The following COL27A1 variants were observed in gnomAD, a reference collection of about 807,000 sequenced individuals.
COL27A1 encodes the protein collagen type XXVII alpha 1 chain.
A neutral mutation model predicts 251.3 loss-of-function variants in COL27A1; 106 were observed. That is an observed-to-expected ratio of 0.42 (90% confidence interval 0.36 to 0.50). The LOEUF (loss-of-function observed/expected upper bound fraction) is 0.50, where lower values mean the gene tolerates loss of function less well. Ranked by LOEUF, COL27A1 falls within the 20% of genes least tolerant of loss-of-function variation. The pLI, the probability that COL27A1 is intolerant of heterozygous loss-of-function variation, is 0.00. For missense variants in COL27A1, 2,325 were observed against 2,522.8 expected (o/e 0.92, Z 1.68); for synonymous variants, 1,000 against 986.3 (o/e 1.01, Z -0.26).
intron 18 of COL27A1, 102 bp downstream of exon 18, chr9:114,237,136 C>T (rs1832454990): frequency 8.7e-7 from 1 of 1,154,948 alleles, no homozygotes; most frequent in Non-Finnish European, 1.2e-6. Flanking sequence ...TTTCCTCCTG[C>T]AGCAGAGCTC....
intron 3 of COL27A1, among the ~76,000 whole-genome samples, chr9:114,174,382 A>C (rs1849538897): frequency 6.6e-6 from 1 of 152,112 alleles, no homozygotes; most frequent in African/African-American, 2.4e-5. Flanking sequence ...TGTTCCCAGA[A>C]CCCAATAAGA....
chr9:114,178,824 G>A (rs1210054566), intron 4 of COL27A1, among the ~76,000 whole-genome samples: 3 of 152,122 alleles, frequency 2.0e-5, no homozygotes, highest in Non-Finnish European at 2.9e-5. Flanking sequence ...AGGCTGCGGT[G>A]GCTGACTGAG....
intron 7 of COL27A1, among the ~76,000 whole-genome samples, chr9:114,201,114 A>C (rs918562091): frequency 3.9e-5 from 6 of 152,218 alleles, no homozygotes; most frequent in African/African-American, 1.4e-4. Context: ...TCTGGCTCCC[A>C]AACCAAAATA....
At chr9:114,182,388 T>G (rs78317735) in intron 4 of COL27A1, among the ~76,000 whole-genome samples, 12 of 148,502 alleles carry the variant, frequency 8.1e-5, no homozygotes, top group Non-Finnish European at 1.2e-4. Flanking sequence ...AAAAAAAAAG[T>G]CCACTTGAGA....
intron 19 of COL27A1, 106 bp downstream of exon 19, chr9:114,237,821 G>A (rs1217299615): frequency 1.2e-6 from 1 of 862,524 alleles, no homozygotes; most frequent in African/African-American, 1.7e-5. Flanking sequence ...AGGTCACACA[G>A]GATATGAGAG....
At chr9:114,171,474 T>G (rs1294729033) in intron 3 of COL27A1, among the ~76,000 whole-genome samples, 2 of 152,048 alleles carry the variant, frequency 1.3e-5, no homozygotes, top group African/African-American at 4.8e-5. Context: ...TTTTTCTTTT[T>G]TTTTTTAGAG....
chr9:114,289,302 G>T lies in COL27A1; in HGVS notation c.4206+7G>T. ...AGGATCGAAAGGCGCAGAGGTAAGA[G>T]GGCCGGGGGTTCAGCAGGGAGACTG... is the stretch of plus-strand genomic sequence containing the variant. On this transcript the variant is annotated splice_region_variant and intron_variant, in intron 45 of 60. Transcript: ENST00000356083. 1 of 1,580,508 alleles carries T rather than the reference G, an allele frequency of 6.3e-7. No homozygotes were observed. The highest frequency in any genetic ancestry group is 8.6e-7 in the Non-Finnish European group (1 of 1,167,128).
chr9:114,165,749 A>G (rs1848791678), intron 2 of COL27A1, among the ~76,000 whole-genome samples: 1 of 149,660 alleles, frequency 6.7e-6, no homozygotes, highest in Non-Finnish European at 1.5e-5. Flanking sequence ...TTATACATCC[A>G]TCCATCTACC....
At chr9:114,220,927 G>A (rs780305827) in intron 13 of COL27A1, among the ~76,000 whole-genome samples, 16 of 151,584 alleles carry the variant, frequency 1.1e-4, no homozygotes, top group Non-Finnish European at 2.2e-4. Context: ...CCCAGGAGGT[G>A]GAGGTTGCAG....
intron 1 of COL27A1, among the ~76,000 whole-genome samples, chr9:114,160,938 C>G (rs534464785): frequency 1.2e-4 from 19 of 152,158 alleles, no homozygotes; most frequent in Non-Finnish European, 2.5e-4. Flanking sequence ...GTTCAGGGGA[C>G]CATCACTGGC....
At chr9:114,255,891 T>G (rs1833887699) in intron 27 of COL27A1, among the ~76,000 whole-genome samples, 1 of 152,140 alleles carries the variant, frequency 6.6e-6, no homozygotes, top group Admixed American at 6.5e-5. Flanking sequence ...GTTGGCAACA[T>G]TCATAGCTTC....
intron 22 of COL27A1, 131 bp downstream of exon 22, chr9:114,242,362 C>A: frequency 1.5e-6 from 1 of 674,664 alleles, no homozygotes; most frequent in Non-Finnish European, 2.4e-6. Context: ...AGAGAGAGAA[C>A]TAGGACAGAC....
intron 37 of COL27A1, among the ~76,000 whole-genome samples, chr9:114,277,473 CT>C (rs907949684): frequency 6.6e-6 from 1 of 152,170 alleles, no homozygotes; most frequent in African/African-American, 2.4e-5. Context: ...TTTTTCCCCC[CT>C]GAAGTGTTTA....
At chr9:114,174,239 G>C (rs896960544) in intron 3 of COL27A1, among the ~76,000 whole-genome samples, 1 of 152,102 alleles carries the variant, frequency 6.6e-6, no homozygotes, top group African/African-American at 2.4e-5. Flanking sequence ...TCACTGGGGA[G>C]AGTTAAAGGA....
intron 14 of COL27A1, among the ~76,000 whole-genome samples, chr9:114,227,092 G>T (rs913627320): frequency 6.6e-6 from 1 of 152,164 alleles, no homozygotes; most frequent in Non-Finnish European, 1.5e-5. Context: ...AGATATGTCA[G>T]TGGCTAAGTA....
intron 16 of COL27A1, among the ~76,000 whole-genome samples, chr9:114,234,603 A>G (rs1237704753): frequency 6.6e-6 from 1 of 152,186 alleles, no homozygotes; most frequent in African/African-American, 2.4e-5. Flanking sequence ...GGCTAAAAAC[A>G]GGGAGGGAGC....
Position 114,210,983 on chromosome 9 carries a change from G to A in COL27A1, c.2324G>A (p.Gly775Asp). The A allele has an allele frequency of 6.2e-7, 1 of 1,614,190 alleles. No homozygotes were observed. The highest frequency in any genetic ancestry group is 8.5e-7 in the Non-Finnish European group (1 of 1,180,002). ...FGLPGSDGER[G>D]LPGVPGKRGK... ...CTCTCCCCTGTCTCTCCCCTGCAGG[G>A]CCTGCCTGGCGTTCCTGGCAAGAGG... The change falls in exon 12 of 61, where the codon GGC becomes GAC. Residue 775 changes from glycine to aspartate, a missense_variant and splice_region_variant. Gly to Asp is a moderately conservative substitution (Grantham distance 94, BLOSUM62 -1). Transcript: ENST00000356083.
In COL27A1 at chr9:114,168,125, A is replaced by G. The variant is rs138532151; in HGVS notation, c.570A>G (p.Ala190=). The change falls in exon 3 of 61, where the codon GCA becomes GCG. Residue 190 remains alanine (A), a synonymous_variant. Transcript: ENST00000356083. ...TGCTGCCTTTCCACAGGGACCCTGC[A>G]CTCGACCCTGGGGGCTCCTTCCTCT... The part of the protein sequence containing the change: ...PVLLPFHRDP[A]LDPGGSFLFG... 30 of 1,612,752 alleles carry G rather than the reference A, an allele frequency of 1.9e-5. No individual in the cohort carries two copies. In the African/African-American group the frequency reaches 4.0e-4, roughly 22 times the overall value.
rs2131686592 is a variant in COL27A1 at position 114,306,534 on chromosome 9, A to G, written c.4953A>G (p.Pro1651=). 1 of 1,614,062 alleles carries G rather than the reference A, an allele frequency of 6.2e-7. No homozygotes were observed. ...CCTCGTGACAGAGTTACAGCTATCC[A>G]GACCGGCTGGTGCTGGACCAGGGAG... The part of the protein sequence containing the change: ...GALRPESYSY[P]DRLVLDQGGE... The change falls in exon 58 of 61, where the codon CCA becomes CCG. Residue 1651 remains proline, a synonymous_variant. Transcript: ENST00000356083.
Sources: allele counts gnomAD v4.1 joint callset (sites outside exome capture counted in the v4.1 genomes callset), GRCh38; gene constraint gnomAD v4.1.1; transcripts MANE v1.5; gene names NCBI Gene and HGNC (gene_info 2026-07-23, HGNC 2026-07-21).